Variants in TMEM132C observed in about 807,000 individuals in gnomAD.
The protein encoded by TMEM132C is protein phosphatase 1, regulatory subunit 152.
Under a neutral mutation model 61.4 loss-of-function variants are expected in TMEM132C, and 29 were observed. That is an observed-to-expected ratio of 0.47 (90% confidence interval 0.35 to 0.64). TMEM132C has a LOEUF of 0.64. TMEM132C is among the 30% of genes least tolerant of loss of function. TMEM132C has a pLI of 0.00. For missense variants in TMEM132C, 1,408 were observed against 1,476.9 expected, an observed-to-expected ratio of 0.95 and a Z score of 0.76; for synonymous variants, 656 against 633.1, an observed-to-expected ratio of 1.04 and a Z score of -0.54.
intron 1 of TMEM132C, among the ~76,000 whole-genome samples, chr12:128,330,628 A>G (rs998914763): frequency 2.6e-5 from 4 of 152,228 alleles, no homozygotes; most frequent in Admixed American, 2.0e-4. Context: ...TTTATAGATC[A>G]TCTTCTGACT....
chr12:128,498,503 C>A (rs933088899), intron 2 of TMEM132C, among the ~76,000 whole-genome samples: 2 of 152,028 alleles, frequency 1.3e-5, no homozygotes, highest in Admixed American at 1.3e-4. Flanking sequence ...TGGTGAAACC[C>A]TATCTCTATT....
intron 1 of TMEM132C, chr12:128,294,249 C>T (rs1382247629): frequency 6.5e-6 from 1 of 154,022 alleles, no homozygotes; most frequent in South Asian, 2.0e-4. Flanking sequence ...CCTAGCAGAC[C>T]AACAGGAGCA....
chr12:128,273,398 C>A (rs192164668), intron 1 of TMEM132C, among the ~76,000 whole-genome samples: 7 of 151,994 alleles, frequency 4.6e-5, no homozygotes, highest in Non-Finnish European at 8.8e-5. Flanking sequence ...ATGGTAATAT[C>A]TTTTTCATCT....
intron 1 of TMEM132C, among the ~76,000 whole-genome samples, chr12:128,366,854 A>G (rs1383614833): frequency 6.6e-6 from 1 of 152,212 alleles, no homozygotes; most frequent in African/African-American, 2.4e-5. Flanking sequence ...AGTCGGAAAG[A>G]CAGGGTCCTA....
intron 4 of TMEM132C, among the ~76,000 whole-genome samples, chr12:128,623,220 CATT>C (rs1225516216): frequency 6.6e-6 from 1 of 152,090 alleles, no homozygotes; most frequent in Non-Finnish European, 1.5e-5. Context: ...GTAGCATCAT[CATT>C]ATCTGAACTT....
rs562943313 is a variant in TMEM132C, at chr12:128,647,954, A to G, written c.1306-21463A>G. ...TGGATGAGTGTGTTTACTGGAGTCC[A>G]TTGGCGTTGGATGTGAGTGTGTTTA... On this transcript the variant is annotated intron_variant, in intron 4 of 8. Transcript: ENST00000435159. Among the ~76,000 whole-genome samples the G allele has an allele frequency of 3.9e-4, 57 of 145,910 alleles. 1 individual carries two copies. The highest frequency in any genetic ancestry group is 1.2e-3 in the African/African-American group (45 of 37,494).
intron 4 of TMEM132C, among the ~76,000 whole-genome samples, chr12:128,661,594 T>C (rs1593138922): frequency 6.7e-6 from 1 of 149,130 alleles, no homozygotes; most frequent in East Asian, 2.0e-4. Flanking sequence ...CATATGCACA[T>C]GGAGGGATTC....
intron 2 of TMEM132C, among the ~76,000 whole-genome samples, chr12:128,444,963 G>A (rs113761253): frequency 1.7e-4 from 26 of 152,246 alleles, no homozygotes; most frequent in African/African-American, 6.3e-4. Context: ...AACCTTGTAC[G>A]GAGGTTTAAA....
intron 1 of TMEM132C, among the ~76,000 whole-genome samples, chr12:128,309,526 C>T: frequency 6.6e-6 from 1 of 152,124 alleles, no homozygotes; most frequent in East Asian, 1.9e-4. Context: ...CCCATTTAAT[C>T]CGTCACTCTC....
At chr12:128,645,135 G>C (rs1204456767) in intron 4 of TMEM132C, among the ~76,000 whole-genome samples, 1 of 152,156 alleles carries the variant, frequency 6.6e-6, no homozygotes, top group Non-Finnish European at 1.5e-5. Context: ...GGCCGCACTG[G>C]AGAAAGCCTG....
chr12:128,685,956 C>T (rs1000925221), intron 5 of TMEM132C, among the ~76,000 whole-genome samples: 3 of 152,160 alleles, frequency 2.0e-5, no homozygotes. Flanking sequence ...GGCCAGTCAA[C>T]GAATGTTTGC....
At chr12:128,417,798 C>T (rs1003174134) in intron 2 of TMEM132C, among the ~76,000 whole-genome samples, 16 of 152,162 alleles carry the variant, frequency 1.1e-4, no homozygotes, top group Non-Finnish European at 2.1e-4. Flanking sequence ...ATTGTATCTT[C>T]GCAGTAAACA....
At chr12:128,285,440 A>G (rs1871023821) in intron 1 of TMEM132C, among the ~76,000 whole-genome samples, 1 of 152,214 alleles carries the variant, frequency 6.6e-6, no homozygotes, top group Non-Finnish European at 1.5e-5. Context: ...CCAGCTTTTA[A>G]AAGATTAAAG....
intron 2 of TMEM132C, among the ~76,000 whole-genome samples, chr12:128,529,148 TTTA>T (rs1279799922): frequency 3.3e-5 from 5 of 151,402 alleles, no homozygotes; most frequent in Non-Finnish European, 4.4e-5. Flanking sequence ...ATATTAATAT[TTTA>T]TTATTAATTA....
chr12:128,506,186 A>G (rs1482480636), intron 2 of TMEM132C, among the ~76,000 whole-genome samples: 1 of 152,224 alleles, frequency 6.6e-6, no homozygotes, highest in African/African-American at 2.4e-5. Flanking sequence ...GTCTCTAGAC[A>G]TCATGCCAGC....
At chr12:128,460,354 A>C (rs965179146) in intron 2 of TMEM132C, among the ~76,000 whole-genome samples, 1 of 152,118 alleles carries the variant, frequency 6.6e-6, no homozygotes, top group African/African-American at 2.4e-5. Flanking sequence ...CTCTCCTCAC[A>C]GGGTAGCCAG....
intron 2 of TMEM132C, among the ~76,000 whole-genome samples, chr12:128,473,614 A>AT (rs1871056499): frequency 6.9e-6 from 1 of 145,882 alleles, no homozygotes; most frequent in African/African-American, 2.6e-5. Flanking sequence ...CTTCATCTTC[A>AT]CTCCAGCCTC....
At position 128,374,150 on chromosome 12, in the gene TMEM132C, A is replaced by G. The variant is rs556255674; in HGVS notation, c.86-40582A>G. Among the ~76,000 whole-genome samples, 10 of 152,300 alleles carry G rather than the reference A, an allele frequency of 6.6e-5. No individual in the cohort carries two copies. In the East Asian group the frequency reaches 1.9e-3, roughly 29 times the overall value. ...TGGCCCGGGTGGGGAGGGGCTCAGC[A>G]TGTGGGAATGATAACGGTGACACAC... On this transcript the variant is annotated intron_variant, in intron 1 of 8. Transcript: ENST00000435159.
intron 2 of TMEM132C, among the ~76,000 whole-genome samples, chr12:128,453,478 C>T (rs889932791): frequency 1.3e-5 from 2 of 152,066 alleles, no homozygotes; most frequent in South Asian, 2.1e-4. Flanking sequence ...TTGACATGGC[C>T]GCACGGTGTT....
Sources: gnomAD v4.1 joint callset for allele counts (sites outside exome capture counted in the v4.1 genomes callset) on GRCh38, gnomAD v4.1.1 for gene constraint, MANE v1.5 for transcripts, NCBI Gene and HGNC (gene_info 2026-07-23, HGNC 2026-07-21) for gene names.